HMCES: variants seen among roughly 807,000 people sequenced by gnomAD.
HMCES encodes abasic site processing protein HMCES.
HMCES carries 27 observed loss-of-function variants against 35.1 expected under a neutral mutation model. That is an observed-to-expected ratio of 0.77 (90% CI 0.57 to 1.06). The LOEUF is 1.06. Among genes scored for constraint, HMCES ranks in the 50% least tolerant of loss-of-function variants. HMCES has a pLI of 0.00. For missense variants in HMCES, 391 were observed against 430.4 expected, an observed-to-expected ratio of 0.91 and a Z score of 0.81; for synonymous variants, 130 against 154.7, an observed-to-expected ratio of 0.84 and a Z score of 1.18.
At chr3:129,287,166 TGTA>T (rs1940658833) in intron 2 of HMCES, among the ~76,000 whole-genome samples, 1 of 151,878 alleles carries the variant, frequency 6.6e-6, no homozygotes, top group African/African-American at 2.4e-5. Context: ...CAACGAAAAA[TGTA>T]GTAATGTATA....
chr3:129,304,153 G>A (rs1205712919), intron 6 of HMCES, among the ~76,000 whole-genome samples: 19 of 152,188 alleles, frequency 1.2e-4, no homozygotes. Flanking sequence ...AAGCAGAAGG[G>A]AGTAGTGACA....
intron 4 of HMCES, among the ~76,000 whole-genome samples, chr3:129,294,363 C>T (rs2071065787): frequency 1.3e-5 from 2 of 152,134 alleles, no homozygotes; most frequent in South Asian, 4.1e-4. Context: ...GCGGAGCTTG[C>T]AGTGAGCCAA....
chr3:129,294,366 T>C (rs939280780), intron 4 of HMCES, among the ~76,000 whole-genome samples: 1 of 152,102 alleles, frequency 6.6e-6, no homozygotes, highest in Non-Finnish European at 1.5e-5. Flanking sequence ...GAGCTTGCAG[T>C]GAGCCAAGAT....
At chr3:129,283,828 C>G (rs1205732091) in intron 2 of HMCES, among the ~76,000 whole-genome samples, 1 of 152,058 alleles carries the variant, frequency 6.6e-6, no homozygotes, top group Non-Finnish European at 1.5e-5. Context: ...GAAACTCTGT[C>G]TCAAAAAAGA....
intron 4 of HMCES, among the ~76,000 whole-genome samples, chr3:129,296,787 CAG>C (rs1344859588): frequency 1.3e-5 from 2 of 152,136 alleles, no homozygotes; most frequent in Non-Finnish European, 2.9e-5. Context: ...GTTTTTGAGA[CAG>C]AGTCTCCCTC....
At chr3:129,292,484 T>A (rs1231451229) in intron 4 of HMCES, among the ~76,000 whole-genome samples, 1,287 of 124,460 alleles carry the variant, frequency 0.01, 15 homozygotes, top group African/African-American at 0.06. Flanking sequence ...AGAGAAAAGT[T>A]TTTTTTTTTC....
At chr3:129,281,472 C>T (rs1202556696) in intron 2 of HMCES, among the ~76,000 whole-genome samples, 1 of 151,376 alleles carries the variant, frequency 6.6e-6, no homozygotes, top group East Asian at 2.0e-4. Context: ...GGCTGGACCA[C>T]CTGAGGTCAG....
At chr3:129,284,367 A>C (rs561096418) in intron 2 of HMCES, among the ~76,000 whole-genome samples, 14 of 152,352 alleles carry the variant, frequency 9.2e-5, no homozygotes, top group African/African-American at 3.1e-4. Context: ...GGCATGAGTT[A>C]TAGTGCTCTT....
In HMCES at chr3:129,288,893, T is replaced by G. The variant is rs1309447448; in HGVS notation, c.223T>G (p.Trp75Gly). 1 of 1,593,520 alleles carries G rather than the reference T, an allele frequency of 6.3e-7. No homozygotes were observed. The highest frequency in any genetic ancestry group is 1.1e-5 in the South Asian group (1 of 89,622). Residue 75 changes from tryptophan (W) to glycine (G), a missense_variant, in exon 3 of 7, where the codon TGG becomes GGG. By Grantham distance (184) the Trp-to-Gly change is radical (BLOSUM62 -2). Coordinates refer to ENST00000383463, the MANE Select transcript of HMCES (RefSeq NM_020187.3). ...SSERIIAPMR[W>G]GLVPSWFKES... ...TGAGCGTATCATTGCTCCCATGCGC[T>G]GGGGCTTGGTCCCTTCTTGGTTCAA...
At chr3:129,299,958 G>C (rs191317457) in intron 5 of HMCES, among the ~76,000 whole-genome samples, 1 of 151,520 alleles carries the variant, frequency 6.6e-6, no homozygotes, top group African/African-American at 2.4e-5. Context: ...TTCCAGCCAT[G>C]GTCATTTTTT....
intron 2 of HMCES, among the ~76,000 whole-genome samples, chr3:129,282,299 A>AC (rs1940516574): frequency 6.6e-6 from 1 of 151,568 alleles, no homozygotes; most frequent in African/African-American, 2.4e-5. Flanking sequence ...TTTTAACAAA[A>AC]AAAAAAAAAA....
intron 2 of HMCES, among the ~76,000 whole-genome samples, chr3:129,282,800 C>T (rs1940534140): frequency 6.6e-6 from 1 of 152,184 alleles, no homozygotes; most frequent in Admixed American, 6.5e-5. Context: ...TTATCCACCC[C>T]AGTGCTACCA....
chr3:129,292,730 C>T (rs1475772013), intron 4 of HMCES, among the ~76,000 whole-genome samples: 1 of 151,924 alleles, frequency 6.6e-6, no homozygotes, highest in Non-Finnish European at 1.5e-5. Flanking sequence ...GTGATCCACC[C>T]GCCTCGGCCT....
intron 5 of HMCES, among the ~76,000 whole-genome samples, chr3:129,300,117 G>A (rs2071144632): frequency 6.6e-6 from 1 of 150,464 alleles, no homozygotes. Context: ...TGCCTACCAT[G>A]TTTTGAGCCA....
intron 3 of HMCES, 22 bp downstream of exon 3, chr3:129,289,019 GTGC>G (rs767130163): frequency 2.0e-6 from 3 of 1,534,088 alleles, no homozygotes; most frequent in Non-Finnish European, 2.7e-6. Flanking sequence ...GTAGCTATTA[GTGC>G]CCCGTATACC....
chr3:129,304,893 T>C lies in HMCES; in HGVS notation c.*68T>C. The C allele has an allele frequency of 8.1e-7, 1 of 1,230,098 alleles. No individual in the cohort carries two copies. Among genetic ancestry groups the C allele is most frequent in the Admixed American group, 1.8e-5 (1 of 56,054 alleles). 76.2% of individuals were successfully genotyped at this position (1,230,098 alleles called of 1,614,324 possible). On this transcript the variant is annotated 3_prime_UTR_variant, in exon 7 of 7. Coordinates refer to ENST00000383463, the MANE Select transcript of HMCES (RefSeq NM_020187.3). ...TGTTCTGATAATAGGTTCTTAACAT[T>C]GTATGTATATGTGTTTGCTTTGGGA...
At chr3:129,283,164 C>A (rs1368163995) in intron 2 of HMCES, among the ~76,000 whole-genome samples, 1 of 152,150 alleles carries the variant, frequency 6.6e-6, no homozygotes, top group Non-Finnish European at 1.5e-5. Context: ...TGCCAGAAGT[C>A]TCTGGATGGT....
intron 2 of HMCES, among the ~76,000 whole-genome samples, chr3:129,281,412 TG>T (rs1940477961): frequency 6.6e-6 from 1 of 152,096 alleles, no homozygotes; most frequent in Admixed American, 6.5e-5. Flanking sequence ...GATAACAGGC[TG>T]GGCATGGTGG....
intron 2 of HMCES, among the ~76,000 whole-genome samples, chr3:129,285,713 C>T (rs1283377340): frequency 6.6e-6 from 1 of 151,610 alleles, no homozygotes; most frequent in Non-Finnish European, 1.5e-5. Context: ...TCCCAAAGTG[C>T]TAGGATTACA....
Sources: gnomAD v4.1 joint callset for allele counts (sites outside exome capture counted in the v4.1 genomes callset) on GRCh38, gnomAD v4.1.1 for gene constraint, MANE v1.5 for transcripts, NCBI Gene and HGNC (gene_info 2026-07-23, HGNC 2026-07-21) for gene names.